Variants in MAPK10 observed in about 807,000 individuals in gnomAD.
MAPK10 encodes the protein mitogen-activated protein kinase 10.
Under a neutral mutation model 59.3 loss-of-function variants are expected in MAPK10, and 25 were observed. The observed-to-expected ratio is 0.42, with a 90% CI of 0.31 to 0.59. The LOEUF (loss-of-function observed/expected upper bound fraction) is 0.59. Among genes scored for constraint, MAPK10 ranks in the 20% least tolerant of loss-of-function variants. MAPK10 has a pLI of 0.15. For missense variants in MAPK10, 351 were observed against 568.9 expected (o/e 0.62, Z 3.90); for synonymous variants, 190 against 200.5 (o/e 0.95, Z 0.44).
At chr4:86,420,906 ACCCCAT>A (rs1746445862) in intron 1 of MAPK10, among the ~76,000 whole-genome samples, 1 of 151,996 alleles carries the variant, frequency 6.6e-6, no homozygotes, top group African/African-American at 2.4e-5. Context: ...ACAAGGGGAA[ACCCCAT>A]CTCTACTAAA....
At chr4:86,025,523 A>G in intron 13 of MAPK10, 1 of 398,442 alleles carries the variant, frequency 2.5e-6, no homozygotes, top group Non-Finnish European at 4.4e-6. Context: ...TGAATTGAAT[A>G]TGATCATTGT....
upstream of MAPK10, among the ~76,000 whole-genome samples, chr4:86,457,760 T>C (rs918604405): frequency 6.6e-6 from 1 of 151,924 alleles, no homozygotes. Flanking sequence ...TTCAATGCAA[T>C]TCACATCAAA....
At chr4:86,300,744 C>T (rs1336847503) in intron 2 of MAPK10, 1 of 151,990 alleles carries the variant, frequency 6.6e-6, no homozygotes, top group East Asian at 1.9e-4. Context: ...TTTGCTTTTC[C>T]ACCACCTGGA....
chr4:86,098,207 T>C (rs1005467182), intron 9 of MAPK10, among the ~76,000 whole-genome samples: 3 of 152,170 alleles, frequency 2.0e-5, no homozygotes, highest in African/African-American at 2.4e-5. Flanking sequence ...ATTTTGCTAG[T>C]TATAAAGGTA....
intron 1 of MAPK10, among the ~76,000 whole-genome samples, chr4:86,486,352 A>G (rs1278936857): frequency 6.6e-6 from 1 of 152,210 alleles, no homozygotes; most frequent in Non-Finnish European, 1.5e-5. Flanking sequence ...GGAGTAGAGA[A>G]GGATAACTAC....
intron 1 of MAPK10, among the ~76,000 whole-genome samples, chr4:86,389,837 G>A (rs1741969454): frequency 6.6e-6 from 1 of 152,196 alleles, no homozygotes; most frequent in African/African-American, 2.4e-5. Flanking sequence ...ACTAAAAGCA[G>A]TATCACTTGT....
chr4:86,082,952 C>T (rs1489770633), intron 9 of MAPK10, among the ~76,000 whole-genome samples: 3 of 152,170 alleles, frequency 2.0e-5, no homozygotes, highest in Admixed American at 2.0e-4. Context: ...ATACCTGTGT[C>T]AGAGTACTTT....
chr4:86,547,271 G>A (rs1415530776), intron 1 of MAPK10, among the ~76,000 whole-genome samples: 1 of 152,152 alleles, frequency 6.6e-6, no homozygotes. Context: ...CCCTTTCTGG[G>A]CTGGCCAAGG....
chr4:86,335,824 A>G (rs1417156029), intron 2 of MAPK10, among the ~76,000 whole-genome samples: 1 of 152,132 alleles, frequency 6.6e-6, no homozygotes, highest in South Asian at 2.1e-4. Context: ...AAACAATCAG[A>G]TTTTGTGAGA....
chr4:86,213,738 A>T (rs182737887), intron 2 of MAPK10, among the ~76,000 whole-genome samples: 13 of 152,234 alleles, frequency 8.5e-5, no homozygotes, highest in Admixed American at 8.5e-4. Context: ...ATTCTGACAA[A>T]GAAAAAGCCC....
At chr4:86,202,800 T>C (rs2082938102) in intron 2 of MAPK10, among the ~76,000 whole-genome samples, 1 of 152,000 alleles carries the variant, frequency 6.6e-6, no homozygotes, top group Non-Finnish European at 1.5e-5. Flanking sequence ...AAAGCAGGCA[T>C]CCTGATCTTT....
intron 13 of MAPK10, chr4:86,027,159 A>T (rs767969658): frequency 6.6e-6 from 1 of 152,220 alleles, no homozygotes; most frequent in Non-Finnish European, 1.5e-5. Flanking sequence ...AGAGAAAGTC[A>T]TACTACATGA....
chr4:86,563,181 G>A (rs1760807945), intron 1 of MAPK10, among the ~76,000 whole-genome samples: 1 of 152,200 alleles, frequency 6.6e-6, no homozygotes, highest in Non-Finnish European at 1.5e-5. Context: ...TATGTAGGTA[G>A]AGATAAAAGT....
chr4:86,052,093 T>C (rs899459862), intron 11 of MAPK10, among the ~76,000 whole-genome samples: 1 of 152,038 alleles, frequency 6.6e-6, no homozygotes, highest in East Asian at 1.9e-4. Context: ...ATGTTAATAG[T>C]TTTTTTAAAT....
At chr4:86,207,406 A>C (rs1428411723) in intron 2 of MAPK10, among the ~76,000 whole-genome samples, 1 of 152,072 alleles carries the variant, frequency 6.6e-6, no homozygotes, top group Non-Finnish European at 1.5e-5. Context: ...GTTGATCAAT[A>C]TCTCTGTTTT....
intron 9 of MAPK10, among the ~76,000 whole-genome samples, chr4:86,076,738 T>C (rs1008222235): frequency 6.6e-6 from 1 of 152,344 alleles, no homozygotes; most frequent in Admixed American, 6.5e-5. Flanking sequence ...TCCACAAGGA[T>C]TACATTTTTA....
In MAPK10 at chr4:86,025,802, CA is replaced by C. The variant is rs563826072; in HGVS notation, c.1252+3394del. Among the ~76,000 whole-genome samples, 165 of 151,960 alleles carry C rather than the reference CA, an allele frequency of 1.1e-3. 2 individuals are homozygous for C. Among genetic ancestry groups the C allele is most frequent in the Middle Eastern group, 6.8e-3 (2 of 294 alleles). On this transcript the variant is annotated intron_variant, in intron 13 of 13. Transcript: ENST00000641462. The stretch of plus-strand genomic sequence containing the variant: ...ATTTCTCAGCTACAAGTTATTCAAC[CA>C]AAAAACATTGTTATGGGGGAAAATG...
intron 4 of MAPK10, among the ~76,000 whole-genome samples, chr4:86,122,155 G>A (rs1183907340): frequency 6.6e-6 from 1 of 152,102 alleles, no homozygotes; most frequent in Admixed American, 6.6e-5. Context: ...AGGACTGTAA[G>A]GTGGATGCCT....
intron 2 of MAPK10, among the ~76,000 whole-genome samples, chr4:86,267,679 A>C (rs1407580154): frequency 6.6e-6 from 1 of 151,918 alleles, no homozygotes; most frequent in Non-Finnish European, 1.5e-5. Flanking sequence ...TGATTTTTGC[A>C]CTTGCTTTTC....
Sources: allele counts gnomAD v4.1 joint callset (sites outside exome capture counted in the v4.1 genomes callset), GRCh38; gene constraint gnomAD v4.1.1; transcripts MANE v1.5; gene names NCBI Gene and HGNC (gene_info 2026-07-23, HGNC 2026-07-21).